Variants in FARS2 observed in about 807,000 individuals in gnomAD.
FARS2 encodes the protein phenylalanine--tRNA ligase, mitochondrial.
In FARS2, 40 loss-of-function variants were observed where a neutral mutation model predicts 46.4. The observed-to-expected ratio is 0.86, with a 90% confidence interval of 0.67 to 1.12. FARS2 has a LOEUF of 1.12. FARS2 is among the 50% of genes most tolerant of loss of function. The probability of loss-of-function intolerance (pLI) is 0.00; values close to 1 mark genes in which losing one functional copy is unlikely to be tolerated. For synonymous variants in FARS2, 234 were observed against 214.9 expected (o/e 1.09, Z -0.78); for missense variants, 513 against 567.9 (o/e 0.90, Z 0.98).
intron 4 of FARS2, among the ~76,000 whole-genome samples, chr6:5,543,938 G>A (rs1370042923): frequency 3.3e-5 from 5 of 149,766 alleles, no homozygotes; most frequent in Non-Finnish European, 4.4e-5. Context: ...AACATAGCAC[G>A]AATTGACTAT....
chr6:5,644,218 G>A (rs551598190), intron 6 of FARS2, among the ~76,000 whole-genome samples: 1 of 151,432 alleles, frequency 6.6e-6, no homozygotes, highest in Non-Finnish European at 1.5e-5. Context: ...TTTTTCTTTT[G>A]CTTTTTTTTT....
chr6:5,354,833 C>T (rs149052526), intron 1 of FARS2, among the ~76,000 whole-genome samples: 21 of 152,054 alleles, frequency 1.4e-4, no homozygotes, highest in Non-Finnish European at 2.8e-4. Context: ...GTTTTCAAGC[C>T]GTAGCTGGCA....
intron 2 of FARS2, among the ~76,000 whole-genome samples, chr6:5,399,234 G>A (rs143959520): frequency 1.3e-5 from 2 of 150,152 alleles, no homozygotes; most frequent in African/African-American, 4.9e-5. Flanking sequence ...GAGTACAGTG[G>A]CATGATGTAG....
intron 5 of FARS2, among the ~76,000 whole-genome samples, chr6:5,559,638 T>A (rs1771877071): frequency 1.3e-5 from 2 of 152,200 alleles, no homozygotes; most frequent in Admixed American, 1.3e-4. Context: ...CCAGAGAAGT[T>A]TTTTGGAAAT....
intron 6 of FARS2, among the ~76,000 whole-genome samples, chr6:5,757,094 A>G (rs1762245955): frequency 1.3e-5 from 2 of 152,192 alleles, no homozygotes. Flanking sequence ...CTAAGCATTC[A>G]TAATAGACAG....
intron 1 of FARS2, among the ~76,000 whole-genome samples, chr6:5,275,172 C>A (rs1766250881): frequency 6.6e-6 from 1 of 152,154 alleles, no homozygotes; most frequent in Non-Finnish European, 1.5e-5. Context: ...TAAACAGATG[C>A]ATTTGTTACA....
intron 1 of FARS2, among the ~76,000 whole-genome samples, chr6:5,313,017 GGGAGAGGGAGAA>G (rs1471567196): frequency 6.6e-6 from 1 of 152,174 alleles, no homozygotes; most frequent in African/African-American, 2.4e-5. Flanking sequence ...ACTCTGGGGT[GGGAGAGGGAGAA>G]GGAGAGGGAG....
intron 4 of FARS2, among the ~76,000 whole-genome samples, chr6:5,503,372 TAA>T (rs1767911417): frequency 1.2e-5 from 1 of 86,230 alleles, no homozygotes; most frequent in Non-Finnish European, 2.2e-5. Flanking sequence ...TAGGTATTCT[TAA>T]CACACACACA....
intron 1 of FARS2, among the ~76,000 whole-genome samples, chr6:5,267,898 A>T (rs1765660540): frequency 6.6e-6 from 1 of 152,092 alleles, no homozygotes; most frequent in Admixed American, 6.5e-5. Context: ...CGCCATTCTA[A>T]CTGGTGTGAG....
intron 6 of FARS2, among the ~76,000 whole-genome samples, chr6:5,629,407 A>T (rs11963668): frequency 6.6e-6 from 1 of 152,116 alleles, no homozygotes; most frequent in Admixed American, 6.5e-5. Context: ...TAGGAATTTG[A>T]TATGGAAGGG....
chr6:5,741,720 G>A (rs918008447), intron 6 of FARS2, among the ~76,000 whole-genome samples: 5 of 152,130 alleles, frequency 3.3e-5, no homozygotes, highest in Admixed American at 6.5e-5. Context: ...GCACGATCTC[G>A]GCTCACTGCA....
chr6:5,568,381 A>C (rs554127067), intron 5 of FARS2, among the ~76,000 whole-genome samples: 1 of 152,304 alleles, frequency 6.6e-6, no homozygotes, highest in Non-Finnish European at 1.5e-5. Flanking sequence ...TATTTATAAA[A>C]CATTTCTGAG....
At position 5,623,583 on chromosome 6, in the gene FARS2, G is replaced by A. The variant is rs563877586; in HGVS notation, c.1217+10263G>A. On this transcript the variant is annotated intron_variant, in intron 6 of 6. Coordinates refer to ENST00000274680, the MANE Select transcript of FARS2 (RefSeq NM_006567.5). ...AAAAATTAGCCAGACGTGGTGGCAC[G>A]CGCCTGTAATCCCAGCTACTCAGGA... Among the ~76,000 whole-genome samples the A allele has an allele frequency of 1.1e-4, 16 of 152,128 alleles. 1 individual carries two copies. In the South Asian group the frequency reaches 1.9e-3, roughly 18 times the overall value.
rs116950446 is a variant in FARS2 at position 5,743,928 on chromosome 6, C to T, written c.1218-27363C>T. 2.3e-3 allele frequency among the ~76,000 whole-genome samples: 348 copies of T among 152,382 alleles called. 6 individuals carry two copies. The East Asian group carries it at 0.054, about 24-fold the overall frequency. ...TCACATATGTGTGTGTCACACTCACCGTGCGTTTCTCCTCAACGTCCTTCC... is the reference window on the plus strand; with the variant it reads ...TCACATATGTGTGTGTCACACTCACTGTGCGTTTCTCCTCAACGTCCTTCC... On this transcript the variant is annotated intron_variant, in intron 6 of 6. Coordinates refer to ENST00000274680, the MANE Select transcript of FARS2 (RefSeq NM_006567.5).
chr6:5,463,851 TA>T (rs1449537645), intron 4 of FARS2, among the ~76,000 whole-genome samples: 2 of 152,242 alleles, frequency 1.3e-5, no homozygotes, highest in Non-Finnish European at 2.9e-5. Context: ...TGGTTTACAT[TA>T]CTGATTTCCT....
At chr6:5,725,541 C>T (rs1760195651) in intron 6 of FARS2, among the ~76,000 whole-genome samples, 4 of 152,234 alleles carry the variant, frequency 2.6e-5, no homozygotes, top group Admixed American at 2.6e-4. Flanking sequence ...GTTTCTACAT[C>T]TGTAAAACAG....
chr6:5,394,100 G>T (rs1176896414), intron 2 of FARS2, among the ~76,000 whole-genome samples: 1 of 152,100 alleles, frequency 6.6e-6, no homozygotes, highest in Non-Finnish European at 1.5e-5. Context: ...GTCAAAGAGG[G>T]GACTATTTAA....
At chr6:5,562,705 C>T (rs1168940273) in intron 5 of FARS2, among the ~76,000 whole-genome samples, 2 of 151,510 alleles carry the variant, frequency 1.3e-5, no homozygotes, top group Non-Finnish European at 2.9e-5. Flanking sequence ...TACACACACA[C>T]ACACACACAC....
chr6:5,402,869 T>TA (rs1172946592), intron 2 of FARS2, among the ~76,000 whole-genome samples: 1 of 152,202 alleles, frequency 6.6e-6, no homozygotes, highest in Non-Finnish European at 1.5e-5. Flanking sequence ...TAGTGTAACT[T>TA]ACACTTTCTG....
Sources: allele counts gnomAD v4.1 joint callset (sites outside exome capture counted in the v4.1 genomes callset), GRCh38; gene constraint gnomAD v4.1.1; transcripts MANE v1.5; gene names NCBI Gene and HGNC (gene_info 2026-07-23, HGNC 2026-07-21).